Variants in ESR1 observed in about 807,000 individuals in gnomAD.
ESR1 encodes estrogen receptor 1.
ESR1 carries 12 observed loss-of-function variants against 52.7 expected under a neutral mutation model. The ratio of observed to expected loss-of-function variants is 0.23; its 90% CI spans 0.15 to 0.37. The LOEUF is 0.37. ESR1 is among the 10% of genes least tolerant of loss of function. The probability of loss-of-function intolerance (pLI) is 1.00; values close to 1 mark genes in which losing one functional copy is unlikely to be tolerated. For missense variants in ESR1, 584 were observed against 779.7 expected (o/e 0.75, Z 2.99); for synonymous variants, 305 against 316.8 (o/e 0.96, Z 0.39).
intron 5 of ESR1, among the ~76,000 whole-genome samples, chr6:152,022,833 C>T (rs892384799): frequency 1.3e-5 from 2 of 151,550 alleles, no homozygotes; most frequent in Non-Finnish European, 2.9e-5. Context: ...AAAAATTAGC[C>T]GGGCTTGGTG....
intron 3 of ESR1, among the ~76,000 whole-genome samples, chr6:151,937,823 G>A (rs377507141): frequency 6.6e-6 from 1 of 152,136 alleles, no homozygotes; most frequent in East Asian, 1.9e-4. Flanking sequence ...GATAGACCTC[G>A]ATTGTAACCT....
At chr6:151,697,752 C>G (rs560516905) in intron 1 of ESR1, among the ~76,000 whole-genome samples, 2 of 152,038 alleles carry the variant, frequency 1.3e-5, no homozygotes, top group Non-Finnish European at 2.9e-5. Flanking sequence ...GTCCCTGCAG[C>G]TGTAGTATTT....
intron 1 of ESR1, among the ~76,000 whole-genome samples, chr6:151,826,062 C>A (rs1781434957): frequency 6.6e-6 from 1 of 151,936 alleles, no homozygotes; most frequent in South Asian, 2.1e-4. Flanking sequence ...GAGCAGAAAG[C>A]CCTGGGATGC....
At chr6:151,968,763 G>T (rs146105064) in intron 4 of ESR1, among the ~76,000 whole-genome samples, 22 of 152,244 alleles carry the variant, frequency 1.4e-4, no homozygotes, top group Non-Finnish European at 2.8e-4. Flanking sequence ...CGGGTCAGTG[G>T]ATGGAGCATT....
intron 2 of ESR1, among the ~76,000 whole-genome samples, chr6:151,762,563 T>G (rs2128098483): frequency 6.6e-6 from 1 of 152,316 alleles, no homozygotes; most frequent in African/African-American, 2.4e-5. Context: ...CTCAGTAAAA[T>G]GGAGATAATT....
chr6:152,066,140 A>G (rs932841274), intron 6 of ESR1, among the ~76,000 whole-genome samples: 2 of 152,188 alleles, frequency 1.3e-5, no homozygotes, highest in Non-Finnish European at 2.9e-5. Context: ...TGCCCTCATG[A>G]AACGAAGGAT....
chr6:151,866,539 CA>C (rs1489689962), intron 2 of ESR1, among the ~76,000 whole-genome samples: 1 of 151,958 alleles, frequency 6.6e-6, no homozygotes, highest in Non-Finnish European at 1.5e-5. Flanking sequence ...CATGTATTCT[CA>C]TTGTTCAGCT....
intron 6 of ESR1, among the ~76,000 whole-genome samples, chr6:152,082,908 G>T (rs934562423): frequency 1.3e-5 from 2 of 152,134 alleles, no homozygotes; most frequent in Non-Finnish European, 2.9e-5. Context: ...ACTTACAAGG[G>T]ATGTGAAGGA....
At chr6:151,781,180 A>G (rs1367253044) in intron 2 of ESR1, among the ~76,000 whole-genome samples, 1 of 152,234 alleles carries the variant, frequency 6.6e-6, no homozygotes, top group African/African-American at 2.4e-5. Flanking sequence ...GTCTTAGTCC[A>G]TTTTGTGCTG....
At chr6:151,856,317 A>C (rs961280335) in intron 2 of ESR1, among the ~76,000 whole-genome samples, 2 of 152,230 alleles carry the variant, frequency 1.3e-5, no homozygotes, top group African/African-American at 4.8e-5. Flanking sequence ...CAATTTATTA[A>C]GGTAGGCTTA....
At chr6:151,727,372 T>A (rs1253207558) in intron 2 of ESR1, among the ~76,000 whole-genome samples, 1 of 152,032 alleles carries the variant, frequency 6.6e-6, no homozygotes, top group Admixed American at 6.5e-5. Context: ...CGGCTAATTT[T>A]TATATTTTTA....
In ESR1 at chr6:152,099,367, G is replaced by T; in HGVS notation, c.*401G>T. On this transcript the variant is annotated 3_prime_UTR_variant, in exon 8 of 8. Coordinates refer to ENST00000206249, the MANE Select transcript of ESR1 (RefSeq NM_000125.4). ...ATAAGCACTTTTTAAATGGCTCTAA[G>T]AATAAGCCACAGCAAAGAATTTAAA... 1 of 342,242 alleles carries T rather than the reference G, an allele frequency of 2.9e-6. No individual in the cohort carries two copies. The highest frequency in any genetic ancestry group is 5.5e-6 in the Non-Finnish European group (1 of 182,750). The allele number at this position is 342,242 out of a possible 1,614,324, so 21.2% of individuals were successfully genotyped here. A position where few individuals can be genotyped will look rare whatever the true frequency, so the allele number is the denominator to read the frequency against.
intron 1 of ESR1, among the ~76,000 whole-genome samples, chr6:151,665,296 T>C (rs975927351): frequency 2.0e-5 from 3 of 152,240 alleles, no homozygotes; most frequent in African/African-American, 7.2e-5. Flanking sequence ...GAACTGGACC[T>C]GAACCTGAGC....
At chr6:152,041,622 A>G (rs891964768) in intron 5 of ESR1, among the ~76,000 whole-genome samples, 5 of 152,238 alleles carry the variant, frequency 3.3e-5, no homozygotes, top group African/African-American at 7.2e-5. Context: ...TAAATCCAGT[A>G]TGTTTGCTAC....
chr6:152,122,123 A>G, intron 6 of ESR1: 1 of 411,504 alleles, frequency 2.4e-6, no homozygotes, highest in Middle Eastern at 7.8e-4. Flanking sequence ...GGCTGTGCAC[A>G]GAATGGGCCA....
At chr6:152,039,213 C>A (rs2045581720) in intron 5 of ESR1, among the ~76,000 whole-genome samples, 1 of 152,152 alleles carries the variant, frequency 6.6e-6, no homozygotes, top group Non-Finnish European at 1.5e-5. Context: ...TGTCCCAAAC[C>A]TTCATTCCTG....
chr6:151,680,699 A>T (rs1260866159), intron 1 of ESR1, among the ~76,000 whole-genome samples: 1 of 152,130 alleles, frequency 6.6e-6, no homozygotes, highest in Non-Finnish European at 1.5e-5. Context: ...CAAATCTTTC[A>T]GTCCGTAATA....
At chr6:151,798,438 T>C (rs565842248) in intron 2 of ESR1, among the ~76,000 whole-genome samples, 1 of 152,352 alleles carries the variant, frequency 6.6e-6, no homozygotes, top group Admixed American at 6.5e-5. Flanking sequence ...ATTTGTGGAA[T>C]TATTGTTTCC....
intron 5 of ESR1, among the ~76,000 whole-genome samples, chr6:152,050,055 C>T (rs3020368): frequency 0.099 from 15,120 of 152,248 alleles, 807 homozygotes; most frequent in Middle Eastern, 0.14. Flanking sequence ...CACTGTTGGT[C>T]GGCTTCCTTT....
Sources: allele counts gnomAD v4.1 joint callset (sites outside exome capture counted in the v4.1 genomes callset), GRCh38; gene constraint gnomAD v4.1.1; transcripts MANE v1.5; gene names NCBI Gene and HGNC (gene_info 2026-07-23, HGNC 2026-07-21).